Variants in CSGALNACT2 observed in about 807,000 individuals in gnomAD.
CSGALNACT2 encodes chondroitin sulfate N-acetylgalactosaminyltransferase 2, also known as beta 4 GalNAcT-2.
CSGALNACT2 carries 35 observed loss-of-function variants against 55.3 expected under a neutral mutation model. The ratio of observed to expected loss-of-function variants is 0.63; its 90% confidence interval spans 0.48 to 0.84. The LOEUF (loss-of-function observed/expected upper bound fraction) is 0.84. Ranked by LOEUF, CSGALNACT2 falls within the 40% of genes least tolerant of loss-of-function variation. The probability of loss-of-function intolerance (pLI) is 0.00; values close to 1 mark genes in which losing one functional copy is unlikely to be tolerated. For missense variants in CSGALNACT2, 544 were observed against 657.5 expected (o/e 0.83, Z 1.89); for synonymous variants, 196 against 224.9 (o/e 0.87, Z 1.15).
chr10:43,170,970 C>A (rs922822879), intron 6 of CSGALNACT2, among the ~76,000 whole-genome samples: 2 of 152,068 alleles, frequency 1.3e-5, no homozygotes, highest in African/African-American at 2.4e-5. Flanking sequence ...GACTGAGAAA[C>A]CATCATAGCC....
At chr10:43,167,381 ACC>A (rs1342779256) in intron 6 of CSGALNACT2, among the ~76,000 whole-genome samples, 1,779 of 152,244 alleles carry the variant, frequency 0.012, 37 homozygotes, top group African/African-American at 0.04. Flanking sequence ...AGTCATTTCT[ACC>A]AGCTTATTTT....
chr10:43,160,455 T>C, intron 3 of CSGALNACT2, 39 bp from the exon 4 acceptor site: 1 of 1,044,816 alleles, frequency 9.6e-7, no homozygotes. Flanking sequence ...TAGTGCCTCA[T>C]GTTTTCTTGA....
chr10:43,163,509 T>G (rs1839195705), intron 4 of CSGALNACT2: 1 of 985,104 alleles, frequency 1.0e-6, no homozygotes, highest in African/African-American at 1.7e-5. Context: ...AAGAGGAGAG[T>G]GATCTTTGTG....
chr10:43,153,334 C>CAAAAAAAAAAAAAAA (rs367556732), intron 1 of CSGALNACT2, among the ~76,000 whole-genome samples: 3 of 113,688 alleles, frequency 2.6e-5, no homozygotes, highest in Non-Finnish European at 3.5e-5. Context: ...GACTCTGTCT[C>CAAAAAAAAAAAAAAA]AAAAAAAAAA....
rs1266775325 is a variant in CSGALNACT2 at position 43,183,280 on chromosome 10, G to T, written c.1367G>T (p.Gly456Val). ...GGFDMEVKGW[G>V]GEDVHLYRKY... ...TTTGACATGGAAGTGAAAGGTTGGG[G>T]TGGAGAAGATGTTCATCTTTATCGA... Residue 456 changes from glycine (G) to valine (V), a missense_variant, in exon 8 of 8, where the codon GGT (glycine) becomes GTT (valine). Physicochemically the swap from Gly to Val is moderately radical, Grantham distance 109 (BLOSUM62 -3). Coordinates refer to ENST00000374466, the MANE Select transcript of CSGALNACT2 (RefSeq NM_018590.5). 6.2e-7 allele frequency: 1 copy of T among 1,613,522 alleles called. No individual in the cohort carries two copies. The highest frequency in any genetic ancestry group is 1.3e-5 in the African/African-American group (1 of 74,908).
At chr10:43,175,705 G>A (rs1033894875) in intron 6 of CSGALNACT2, among the ~76,000 whole-genome samples, 2 of 152,218 alleles carry the variant, frequency 1.3e-5, no homozygotes, top group Admixed American at 6.5e-5. Context: ...GTCCTAGAAT[G>A]TAAGCCCCTT....
At chr10:43,153,348 C>T (rs1383619117) in intron 1 of CSGALNACT2, among the ~76,000 whole-genome samples, 2 of 59,410 alleles carry the variant, frequency 3.4e-5, no homozygotes, top group African/African-American at 1.6e-4. Context: ...AAAAAAAGGA[C>T]TCCCTTGTAG....
chr10:43,168,673 GACACACACACACAC>G (rs55776451), intron 6 of CSGALNACT2, among the ~76,000 whole-genome samples: 7 of 148,018 alleles, frequency 4.7e-5, no homozygotes, highest in African/African-American at 9.9e-5. Flanking sequence ...AGTACACACA[GACACACACACACAC>G]ACACACACAC....
chr10:43,179,924 A>G (rs1178687996), intron 7 of CSGALNACT2, among the ~76,000 whole-genome samples: 1 of 152,234 alleles, frequency 6.6e-6, no homozygotes, highest in Non-Finnish European at 1.5e-5. Context: ...AAATAAAGTC[A>G]GTTCCTTAGG....
chr10:43,160,637 A>G (rs1459671435), intron 4 of CSGALNACT2, 42 bp downstream of exon 4: 1 of 838,060 alleles, frequency 1.2e-6, no homozygotes, highest in South Asian at 1.4e-5. Flanking sequence ...GATATATAAC[A>G]TTGCTAAAAG....
At chr10:43,180,516 C>G (rs1044758846) in intron 7 of CSGALNACT2, among the ~76,000 whole-genome samples, 1 of 152,152 alleles carries the variant, frequency 6.6e-6, no homozygotes, top group African/African-American at 2.4e-5. Context: ...TCTGCTCTTT[C>G]CATTAGAGCC....
chr10:43,172,807 C>T (rs572566501), intron 6 of CSGALNACT2, among the ~76,000 whole-genome samples: 12 of 152,258 alleles, frequency 7.9e-5, no homozygotes, highest in African/African-American at 2.6e-4. Context: ...AGAGTGACTC[C>T]GTGGTTTCTG....
At chr10:43,168,480 C>T (rs1437442747) in intron 6 of CSGALNACT2, among the ~76,000 whole-genome samples, 1 of 151,960 alleles carries the variant, frequency 6.6e-6, no homozygotes, top group Non-Finnish European at 1.5e-5. Context: ...AAGGTGGAAG[C>T]TCTGAAGAAA....
chr10:43,149,922 C>G (rs1336622262), intron 1 of CSGALNACT2, among the ~76,000 whole-genome samples: 2 of 152,088 alleles, frequency 1.3e-5, no homozygotes, highest in Non-Finnish European at 2.9e-5. Context: ...ACAGAATTAG[C>G]CAGGCGTGGT....
At chr10:43,139,931 C>T (rs971670688) in intron 1 of CSGALNACT2, among the ~76,000 whole-genome samples, 1 of 152,130 alleles carries the variant, frequency 6.6e-6, no homozygotes, top group African/African-American at 2.4e-5. Context: ...CGTGGTGGCT[C>T]AGGCCTTTTA....
At chr10:43,180,656 T>C (rs1367285228) in intron 7 of CSGALNACT2, among the ~76,000 whole-genome samples, 1 of 152,262 alleles carries the variant, frequency 6.6e-6, no homozygotes, top group African/African-American at 2.4e-5. Context: ...TTAGTATACC[T>C]TGTCATGTTT....
chr10:43,180,576 A>G (rs755970367), intron 7 of CSGALNACT2, among the ~76,000 whole-genome samples: 3 of 152,162 alleles, frequency 2.0e-5, no homozygotes, highest in African/African-American at 4.8e-5. Context: ...GATAATTCCA[A>G]CATCCCTGCT....
At chr10:43,168,576 T>G (rs1338460776) in intron 6 of CSGALNACT2, among the ~76,000 whole-genome samples, 1 of 152,004 alleles carries the variant, frequency 6.6e-6, no homozygotes, top group Non-Finnish European at 1.5e-5. Flanking sequence ...TTTTCCAGAC[T>G]CTCAAAGAGC....
chr10:43,180,813 A>G (rs921595202), intron 7 of CSGALNACT2, among the ~76,000 whole-genome samples: 28 of 152,072 alleles, frequency 1.8e-4, no homozygotes, highest in African/African-American at 6.0e-4. Flanking sequence ...TGTATCCCAG[A>G]CTCTGAATTT....
Sources: allele counts gnomAD v4.1 joint callset (sites outside exome capture counted in the v4.1 genomes callset), GRCh38; gene constraint gnomAD v4.1.1; transcripts MANE v1.5; gene names NCBI Gene and HGNC (gene_info 2026-07-23, HGNC 2026-07-21).